CCDC141: variants seen among roughly 807,000 people sequenced by gnomAD.
CCDC141 encodes coiled-coil domain-containing protein 141.
In CCDC141, 168 loss-of-function variants were observed where a neutral mutation model predicts 181.0. The ratio of observed to expected loss-of-function variants is 0.93; its 90% CI spans 0.82 to 1.05. CCDC141 has a LOEUF of 1.05. Among genes scored for constraint, CCDC141 ranks in the 50% least tolerant of loss-of-function variants. The pLI, the probability that CCDC141 is intolerant of heterozygous loss-of-function variation, is 0.00. For synonymous variants in CCDC141, 666 were observed against 642.3 expected (o/e 1.04, Z -0.56); for missense variants, 1,902 against 1,788.5 (o/e 1.06, Z -1.14).
Position 178,875,609 on chromosome 2 carries a change from G to A in CCDC141, c.1899+2355C>T, listed in dbSNP as rs139210202. The A allele has an allele frequency of 1.5e-3, 225 of 151,834 alleles. 4 individuals carry two copies. Among genetic ancestry groups the A allele is most frequent in the African/African-American group, 5.0e-3 (205 of 41,310 alleles). The allele number at this position is 151,834 out of a possible 1,614,324, so 9.4% of individuals were successfully genotyped here. ...GAAAGAAAGAAAGAAAGAGCTCCAG[G>A]TACAAATGTTGTAGCTAGCTGATGA... On this transcript the variant is annotated intron_variant, in intron 12 of 23. Coordinates refer to ENST00000443758, the MANE Select transcript of CCDC141 (RefSeq NM_173648.4).
rs906304436 is a variant in CCDC141 at position 178,837,438 on chromosome 2, C to T, written c.3781G>A (p.Ala1261Thr). 6.2e-7 allele frequency: 1 copy of T among 1,614,112 alleles called. No homozygotes were observed. The highest frequency in any genetic ancestry group is 8.5e-7 in the Non-Finnish European group (1 of 1,179,990). The change falls in exon 23 of 24, where the codon GCC becomes ACC. Residue 1261 changes from alanine (A) to threonine (T), a missense_variant. Physicochemically the swap from Ala to Thr is moderately conservative, Grantham distance 58 (BLOSUM62 0). Coordinates refer to ENST00000443758, the MANE Select transcript of CCDC141 (RefSeq NM_173648.4). Reference sequence around the variant, plus strand: ...GGTGGTGGAAGAACAGATTCCTGGGCATCCCCTGGGCTGCTGGTCCCAGCC... The same window carrying T: ...GGTGGTGGAAGAACAGATTCCTGGGTATCCCCTGGGCTGCTGGTCCCAGCC... ...VQAGTSSPGDAQESVLPPPVA... is the reference protein window; with the variant it reads ...VQAGTSSPGDTQESVLPPPVA...
In CCDC141 at chr2:178,836,898, T is replaced by C. The variant is rs1684498457; in HGVS notation, c.4321A>G (p.Thr1441Ala). The C allele has an allele frequency of 3.1e-6, 5 of 1,603,566 alleles. 1 individual carries two copies. The South Asian group carries it at 5.6e-5, about 18-fold the overall frequency. ...EVTGFPEPTL[T>A]WYKKGQKLSA... is the part of the protein sequence containing the mutation. ...TTGTCATTATAGGCTACCCACCATG[T>C]CAGTGTAGGCTCTGGAAATCCTGTT... is the stretch of plus-strand genomic sequence containing the variant. Residue 1441 changes from threonine to alanine, a missense_variant, in exon 23 of 24, where the codon ACA (threonine) becomes GCA (alanine). By Grantham distance (58) the Thr-to-Ala change is moderately conservative. Coordinates refer to ENST00000443758, the MANE Select transcript of CCDC141 (RefSeq NM_173648.4).
intron 7 of CCDC141, among the ~76,000 whole-genome samples, chr2:178,908,928 A>C (rs1009529964): frequency 2.0e-5 from 3 of 152,356 alleles, no homozygotes; most frequent in African/African-American, 7.2e-5. Context: ...ACTGGCTGTT[A>C]TTCTAAATCC....
intron 2 of CCDC141, among the ~76,000 whole-genome samples, chr2:178,981,652 A>ATATATG (rs2154381140): frequency 1.5e-5 from 2 of 137,338 alleles, no homozygotes; most frequent in African/African-American, 5.4e-5. Context: ...ATATATATAT[A>ATATATG]TATATACATA....
At chr2:178,841,511 T>G (rs1049818509) in intron 22 of CCDC141, among the ~76,000 whole-genome samples, 1 of 152,232 alleles carries the variant, frequency 6.6e-6, no homozygotes, top group African/African-American at 2.4e-5. Flanking sequence ...ATCGAATGCA[T>G]TAAATTATCA....
At chr2:179,015,401 CTCATATATGTACCATATA>C (rs1374298073) in intron 2 of CCDC141, among the ~76,000 whole-genome samples, 122 of 135,108 alleles carry the variant, frequency 9.0e-4, no homozygotes, top group African/African-American at 2.8e-3. Context: ...TATCATATAT[CTCATATATGTACCATATA>C]TCTCATATAT....
intron 22 of CCDC141, among the ~76,000 whole-genome samples, chr2:178,842,965 T>TTG (rs139838976): frequency 0.074 from 11,244 of 151,844 alleles, 599 homozygotes; most frequent in Admixed American, 0.16. Flanking sequence ...ATCAGGATTA[T>TTG]TGTGTGTGTG....
chr2:178,886,326 A>G (rs772202846), intron 10 of CCDC141, among the ~76,000 whole-genome samples: 12 of 152,338 alleles, frequency 7.9e-5, no homozygotes, highest in Non-Finnish European at 2.9e-5. Context: ...TTAGGTAAGC[A>G]AACAAGGTTG....
Position 178,886,840 on chromosome 2 carries a change from A to G in CCDC141, c.1439T>C (p.Val480Ala). ...ACCAACATCCATTGCATTAGAAAGT[A>G]CTGGACTGATTTTCTGAATTGACAT... ...VEMSIQKISPVLSNAMDVGST... is the reference protein window; with the variant it reads ...VEMSIQKISPALSNAMDVGST... Residue 480 changes from valine (V) to alanine (A), a missense_variant, in exon 10 of 24, where the codon GTA (valine) becomes GCA (alanine). Physicochemically the swap from Val to Ala is moderately conservative, Grantham distance 64. Coordinates refer to ENST00000443758, the MANE Select transcript of CCDC141 (RefSeq NM_173648.4). 1.4e-6 allele frequency: 2 copies of G among 1,443,662 alleles called. No individual in the cohort carries two copies. Among genetic ancestry groups the G allele is most frequent in the African/African-American group, 1.5e-5 (1 of 67,600 alleles). 89.4% of individuals were successfully genotyped at this position (1,443,662 alleles called of 1,614,324 possible).
intron 11 of CCDC141, among the ~76,000 whole-genome samples, chr2:178,884,333 G>A (rs923412856): frequency 6.6e-5 from 10 of 151,538 alleles, no homozygotes; most frequent in African/African-American, 2.4e-4. Flanking sequence ...CAGAAAAACT[G>A]CTTTGCTTTT....
intron 23 of CCDC141, among the ~76,000 whole-genome samples, chr2:178,834,641 G>C (rs1338094186): frequency 6.6e-6 from 1 of 151,930 alleles, no homozygotes; most frequent in Non-Finnish European, 1.5e-5. Flanking sequence ...CAGAATCAGA[G>C]ATCATTGCGG....
chr2:179,015,413 C>T (rs114704798), intron 2 of CCDC141, among the ~76,000 whole-genome samples: 76,044 of 109,608 alleles, frequency 0.69, 26,786 homozygotes, highest in East Asian at 0.78. Flanking sequence ...CATATATGTA[C>T]CATATATCTC....
intron 11 of CCDC141, among the ~76,000 whole-genome samples, chr2:178,881,049 T>C (rs1686580636): frequency 6.6e-6 from 1 of 152,062 alleles, no homozygotes; most frequent in Admixed American, 6.6e-5. Flanking sequence ...GTGGTTTTTG[T>C]AGAAAAAGTG....
At chr2:178,839,037 A>G (rs1293489059) in intron 22 of CCDC141, among the ~76,000 whole-genome samples, 1 of 152,206 alleles carries the variant, frequency 6.6e-6, no homozygotes. Context: ...TGATGCATAT[A>G]GGAAAGTCAC....
chr2:179,011,556 G>T lies in CCDC141; in HGVS notation c.226-32881C>A, dbSNP rs191801435. On this transcript the variant is annotated intron_variant, in intron 2 of 23. Transcript: ENST00000443758. ...AATACCCCACTGACAACACACACTA[G>T]ACAGATCATCAAGACAGAAAGTCAA... Among the ~76,000 whole-genome samples, 26 of 152,184 alleles carry T rather than the reference G, an allele frequency of 1.7e-4. No individual in the cohort carries two copies. In the East Asian group the frequency reaches 4.8e-3, roughly 28 times the overall value.
intron 5 of CCDC141, among the ~76,000 whole-genome samples, chr2:178,956,289 A>C (rs1020876613): frequency 3.3e-5 from 5 of 152,072 alleles, no homozygotes; most frequent in African/African-American, 1.2e-4. Context: ...TCAGAGTCTA[A>C]ATTTTATTTT....
At chr2:178,949,490 A>AT (rs1162658426) in intron 5 of CCDC141, among the ~76,000 whole-genome samples, 1 of 152,196 alleles carries the variant, frequency 6.6e-6, no homozygotes, top group South Asian at 2.1e-4. Flanking sequence ...ACTATGCAAT[A>AT]TTTTTCCTGC....
intron 3 of CCDC141, among the ~76,000 whole-genome samples, chr2:178,975,803 A>T (rs554593331): frequency 2.4e-4 from 37 of 152,320 alleles, no homozygotes; most frequent in Non-Finnish European, 4.3e-4. Context: ...ATGAGAAGAA[A>T]TGAAATTAAG....
At chr2:178,971,657 A>G (rs1242386066) in intron 4 of CCDC141, among the ~76,000 whole-genome samples, 1 of 152,206 alleles carries the variant, frequency 6.6e-6, no homozygotes, top group Non-Finnish European at 1.5e-5. Flanking sequence ...AATAGCAAAG[A>G]CTTGGAACCA....
Sources: gnomAD v4.1 joint callset for allele counts (sites outside exome capture counted in the v4.1 genomes callset) on GRCh38, gnomAD v4.1.1 for gene constraint, MANE v1.5 for transcripts, NCBI Gene and HGNC (gene_info 2026-07-23, HGNC 2026-07-21) for gene names.